The following PCDHGB7 variants were observed in gnomAD, a reference collection of about 807,000 sequenced individuals.
The protein encoded by PCDHGB7 is protocadherin gamma-B7.
PCDHGB7 carries 37 observed loss-of-function variants against 61.4 expected under a neutral mutation model. The observed-to-expected ratio is 0.60, with a 90% CI of 0.46 to 0.79. PCDHGB7 has a LOEUF of 0.79. Ranked by LOEUF, PCDHGB7 falls within the 30% of genes least tolerant of loss-of-function variation. The pLI, the probability that PCDHGB7 is intolerant of heterozygous loss-of-function variation, is 0.00. For synonymous variants in PCDHGB7, 464 were observed against 503.5 expected (o/e 0.92, Z 1.05); for missense variants, 1,166 against 1,202.5 (o/e 0.97, Z 0.45).
rs1488446232 is a variant in PCDHGB7, at chr5:141,493,171, A to G, written c.2416-1636A>G. On this transcript the variant is annotated intron_variant, in intron 1 of 3. Coordinates refer to ENST00000398594, the MANE Select transcript of PCDHGB7 (RefSeq NM_018927.4). This position sits in a 1 kb window ranked among gnomAD's most constrained non-coding sequence, Gnocchi z 4.3. ...GGTGATTTTGATAGCTGATTGAGAG[A>G]AACTTACTATATAACTCCTTTGAGA... is the stretch of plus-strand genomic sequence containing the variant. 6.6e-6 allele frequency among the ~76,000 whole-genome samples: 1 copy of G among 152,214 alleles called. No homozygotes were observed. The highest frequency in any genetic ancestry group is 1.5e-5 in the Non-Finnish European group (1 of 68,034).
intron 1 of PCDHGB7, chr5:141,426,765 G>A (rs1343961009): frequency 1.8e-5 from 8 of 456,530 alleles, no homozygotes; most frequent in Non-Finnish European, 3.5e-5. Flanking sequence ...AGATGCAGAT[G>A]TAGGGCCTCA....
chr5:141,494,021 G>C (rs1036188621), intron 1 of PCDHGB7, among the ~76,000 whole-genome samples: 2 of 152,158 alleles, frequency 1.3e-5, no homozygotes, highest in African/African-American at 2.4e-5. Context: ...CCCCTTGGGA[G>C]CCCTGGAGAC....
rs112156044 is a variant in PCDHGB7, at chr5:141,476,771, G to A, written c.2416-18036G>A. The A allele has an allele frequency of 6.2e-7, 1 of 1,613,700 alleles. No homozygotes were observed. The highest frequency in any genetic ancestry group is 1.3e-5 in the African/African-American group (1 of 75,036). On this transcript the variant is annotated intron_variant, in intron 1 of 3. Coordinates refer to ENST00000398594, the MANE Select transcript of PCDHGB7 (RefSeq NM_018927.4). The surrounding 1 kb of genome is among the most constrained non-coding windows in gnomAD (Gnocchi z 7.6). ...CCAGTTAGTGCTGACGGCGTTGGAC[G>A]GAGGGACCCCAGCTCTCTCCGCCAG...
intron 1 of PCDHGB7, among the ~76,000 whole-genome samples, chr5:141,458,101 G>C (rs530847477): frequency 3.3e-5 from 5 of 152,200 alleles, no homozygotes; most frequent in Non-Finnish European, 7.4e-5. Flanking sequence ...AGTACTTACA[G>C]ATAGTCTCCA....
intron 1 of PCDHGB7, among the ~76,000 whole-genome samples, chr5:141,484,389 G>A (rs1336850919): frequency 6.6e-6 from 1 of 152,140 alleles, no homozygotes; most frequent in Non-Finnish European, 1.5e-5. Flanking sequence ...GAATAAGAAA[G>A]GTTTGGTTTC....
Position 141,432,206 on chromosome 5 carries a change from G to T in PCDHGB7, c.2415+11932G>T, listed in dbSNP as rs551220443. ...GACCGCCCACGACCCCGACTGTGAA[G>T]AGAACGCCCAGATCACTTATTCCCT... On this transcript the variant is annotated intron_variant, in intron 1 of 3. Coordinates refer to ENST00000398594, the MANE Select transcript of PCDHGB7 (RefSeq NM_018927.4). The surrounding 1 kb of genome is among the most constrained non-coding windows in gnomAD (Gnocchi z 6.0). 12 of 1,614,214 alleles carry T rather than the reference G, an allele frequency of 7.4e-6. No individual in the cohort carries two copies. The Admixed American group carries it at 8.3e-5, about 11-fold the overall frequency.
rs144695545 is a variant in PCDHGB7, at chr5:141,487,156, C to G, written c.2416-7651C>G. ...CACCACTCTCTACCTCTGTTACTCT[C>G]TTAGTGTCCTTAGAGGAAGACACTC... On this transcript the variant is annotated intron_variant, in intron 1 of 3. Transcript: ENST00000398594. This position sits in a 1 kb window ranked among gnomAD's most constrained non-coding sequence, Gnocchi z 5.0. 105 of 1,613,896 alleles carry G rather than the reference C, an allele frequency of 6.5e-5. No homozygotes were observed. In the African/African-American group the frequency reaches 1.2e-3, roughly 18 times the overall value.
At chr5:141,464,558 A>G (rs1276921889) in intron 1 of PCDHGB7, among the ~76,000 whole-genome samples, 2 of 152,176 alleles carry the variant, frequency 1.3e-5, no homozygotes, top group Non-Finnish European at 2.9e-5. Context: ...CCCATCTTGC[A>G]TTCCTACAAA....
Position 141,433,059 on chromosome 5 carries a change from A to G in PCDHGB7, c.2415+12785A>G, listed in dbSNP as rs745951077. 1.1e-5 allele frequency: 18 copies of G among 1,614,000 alleles called. No individual in the cohort carries two copies. In the East Asian group the frequency reaches 3.8e-4, roughly 34 times the overall value. On this transcript the variant is annotated intron_variant, in intron 1 of 3. Transcript: ENST00000398594. ...CTCACCACGGACTCGCGGAAGAGTC[A>G]CCTGATCTTCCCCCAGCCCAACTAT...
At chr5:141,433,607 G>T (rs1209706866) in intron 1 of PCDHGB7, among the ~76,000 whole-genome samples, 1 of 152,080 alleles carries the variant, frequency 6.6e-6, no homozygotes. Flanking sequence ...AGGCCGAGGC[G>T]GGTGGATCAC....
rs1348297963 is a variant in PCDHGB7, at chr5:141,487,103, G to A, written c.2416-7704G>A. 6.2e-7 allele frequency: 1 copy of A among 1,614,124 alleles called. No individual in the cohort carries two copies. Among genetic ancestry groups the A allele is most frequent in the Non-Finnish European group, 8.5e-7 (1 of 1,180,000 alleles). On this transcript the variant is annotated intron_variant, in intron 1 of 3. Coordinates refer to ENST00000398594, the MANE Select transcript of PCDHGB7 (RefSeq NM_018927.4). The surrounding 1 kb of genome is among the most constrained non-coding windows in gnomAD (Gnocchi z 5.0). ...AGCTGACCTCCCACCACAGAAGCTG[G>A]TCATTGTGGTAAAGGATAGTGGTAG...
rs1203945578 is a variant in PCDHGB7 at position 141,512,055 on chromosome 5, T to G, written c.*882T>G. 6.5e-6 allele frequency: 1 copy of G among 152,698 alleles called. No homozygotes were observed. The highest frequency in any genetic ancestry group is 1.5e-5 in the Non-Finnish European group (1 of 68,092). 9.5% of individuals were successfully genotyped at this position (152,698 alleles called of 1,614,324 possible). The stretch of plus-strand genomic sequence containing the variant: ...GAGGCTCTGTATGTCCTCAGGGGAC[T>G]GACAACATCCTCCAGATTCCAGCCA... On this transcript the variant is annotated 3_prime_UTR_variant, in exon 4 of 4. Transcript: ENST00000398594.
At chr5:141,475,071 C>T (rs1198043142) in intron 1 of PCDHGB7, among the ~76,000 whole-genome samples, 2 of 152,198 alleles carry the variant, frequency 1.3e-5, no homozygotes, top group Non-Finnish European at 2.9e-5. Context: ...AGCTTTGCTG[C>T]CATTATTTCA....
At chr5:141,421,229 T>C (rs776952658) in intron 1 of PCDHGB7, 3 of 1,589,662 alleles carry the variant, frequency 1.9e-6, no homozygotes, top group South Asian at 1.1e-5. Flanking sequence ...GAGCCTGCCA[T>C]GGCGAATCGG....
At chr5:141,478,904 T>G in intron 1 of PCDHGB7, 1 of 958,800 alleles carries the variant, frequency 1.0e-6, no homozygotes, top group Non-Finnish European at 1.5e-6. Context: ...AGGAATAAGC[T>G]GCTGGATACC....
In PCDHGB7 at chr5:141,431,538, A is replaced by G; in HGVS notation, c.2415+11264A>G. ...CCGGAGAATCTGGCCTTGGGCACGC[A>G]GCTGCTTGTAGTCAACGCTACCGAC... is the stretch of plus-strand genomic sequence containing the variant. On this transcript the variant is annotated intron_variant, in intron 1 of 3. Transcript: ENST00000398594. The surrounding 1 kb of genome is among the most constrained non-coding windows in gnomAD (Gnocchi z 4.8). The G allele has an allele frequency of 6.2e-7, 1 of 1,614,114 alleles. No individual in the cohort carries two copies. Among genetic ancestry groups the G allele is most frequent in the Non-Finnish European group, 8.5e-7 (1 of 1,180,024 alleles).
At chr5:141,439,506 C>G (rs2098117403) in intron 1 of PCDHGB7, among the ~76,000 whole-genome samples, 1 of 152,234 alleles carries the variant, frequency 6.6e-6, no homozygotes, top group Non-Finnish European at 1.5e-5. Flanking sequence ...GTCTTTCTCT[C>G]TGCTCTCAAC....
In PCDHGB7 at chr5:141,476,584, C is replaced by A; in HGVS notation, c.2416-18223C>A. ...TGGCTCCGGGGACGCGCTTTCCGCTCGAGAGCGCGCACGATCCCGATGTGG... is the reference window on the plus strand; with the variant it reads ...TGGCTCCGGGGACGCGCTTTCCGCTAGAGAGCGCGCACGATCCCGATGTGG... On this transcript the variant is annotated intron_variant, in intron 1 of 3. Coordinates refer to ENST00000398594, the MANE Select transcript of PCDHGB7 (RefSeq NM_018927.4). This position sits in a 1 kb window ranked among gnomAD's most constrained non-coding sequence, Gnocchi z 7.6. The A allele has an allele frequency of 6.2e-7, 1 of 1,614,216 alleles. No homozygotes were observed. The highest frequency in any genetic ancestry group is 8.5e-7 in the Non-Finnish European group (1 of 1,180,042).
rs2099687715 is a variant in PCDHGB7, at chr5:141,489,479, T to G, written c.2416-5328T>G. 1.2e-6 allele frequency: 2 copies of G among 1,614,090 alleles called. No individual in the cohort carries two copies. The highest frequency in any genetic ancestry group is 1.7e-6 in the Non-Finnish European group (2 of 1,180,010). ...GGGCGCTATTTTTCCCTGAGCTTGATGAGTGGTGCCCTGGCAGTGAATCAA... is the reference window on the plus strand; with the variant it reads ...GGGCGCTATTTTTCCCTGAGCTTGAGGAGTGGTGCCCTGGCAGTGAATCAA... On this transcript the variant is annotated intron_variant, in intron 1 of 3. Transcript: ENST00000398594. This position sits in a 1 kb window ranked among gnomAD's most constrained non-coding sequence, Gnocchi z 4.5.
Sources: allele counts gnomAD v4.1 joint callset (sites outside exome capture counted in the v4.1 genomes callset), GRCh38; gene constraint gnomAD v4.1.1; non-coding constraint Gnocchi (gnomAD v3.1); transcripts MANE v1.5; gene names NCBI Gene and HGNC (gene_info 2026-07-23, HGNC 2026-07-21).